Variants in RIN2 observed in about 807,000 individuals in gnomAD.
RIN2 encodes RAB5 interacting protein 2.
RIN2 carries 36 observed loss-of-function variants against 78.0 expected under a neutral mutation model. That is an observed-to-expected ratio of 0.46 (90% CI 0.35 to 0.61). The LOEUF (loss-of-function observed/expected upper bound fraction) is 0.61, where lower values mean the gene tolerates loss of function less well. RIN2 is among the 20% of genes least tolerant of loss of function. RIN2 has a pLI of 0.00. For missense variants in RIN2, 1,087 were observed against 1,159.7 expected (o/e 0.94, Z 0.91); for synonymous variants, 466 against 466.8 (o/e 1.00, Z 0.02).
chr20:19,920,174 T>G (rs930737023), intron 3 of RIN2, among the ~76,000 whole-genome samples: 1 of 151,794 alleles, frequency 6.6e-6, no homozygotes, highest in African/African-American at 2.4e-5. Context: ...CGGGCGCCTA[T>G]AGTCCCAGCT....
intron 2 of RIN2, among the ~76,000 whole-genome samples, chr20:19,879,038 C>CCT (rs553590186): frequency 1.8e-3 from 272 of 152,322 alleles, no homozygotes; most frequent in African/African-American, 6.3e-3. Context: ...CTTCAGAGAA[C>CCT]CTGCAGAGCC....
chr20:19,792,247 T>C (rs1363819618), intron 1 of RIN2, among the ~76,000 whole-genome samples: 1 of 152,226 alleles, frequency 6.6e-6, no homozygotes, highest in East Asian at 1.9e-4. Context: ...ATGGTCACCC[T>C]CATCAATGCA....
rs1555818732 is a variant in RIN2, at chr20:19,788,439, A to AAAAAAAAAC, written c.-162-11175_-162-11174insCAAAAAAAA. On this transcript the variant is annotated intron_variant, in intron 1 of 12. Coordinates refer to ENST00000255006, the MANE Select transcript of RIN2 (RefSeq NM_018993.4). ...GCGAAATCCTGTCTCTGCCAAAAAA[A>AAAAAAAAAC]AAAAAAAAAACAACTAGCTAGGCAT... Among the ~76,000 whole-genome samples the AAAAAAAAAC allele has an allele frequency of 2.6e-4, 35 of 133,026 alleles. 1 individual carries two copies. The highest frequency in any genetic ancestry group is 1.0e-3 in the African/African-American group (32 of 30,588). 87.3% of individuals were successfully genotyped at this position (133,026 alleles called of 152,430 possible).
At chr20:19,941,527 A>G (rs2040869788) in intron 4 of RIN2, among the ~76,000 whole-genome samples, 1 of 152,214 alleles carries the variant, frequency 6.6e-6, no homozygotes, top group Admixed American at 6.5e-5. Flanking sequence ...ATCCAGCTAG[A>G]TGAAAATCCA....
At chr20:19,981,895 C>G (rs1216517502) in intron 9 of RIN2, among the ~76,000 whole-genome samples, 1 of 152,198 alleles carries the variant, frequency 6.6e-6, no homozygotes, top group Non-Finnish European at 1.5e-5. Flanking sequence ...CCTGCCTGCC[C>G]CATGCCTGGG....
At chr20:19,788,008 G>A (rs2034738795) in intron 1 of RIN2, among the ~76,000 whole-genome samples, 1 of 152,100 alleles carries the variant, frequency 6.6e-6, no homozygotes, top group Non-Finnish European at 1.5e-5. Flanking sequence ...ATAAGTTATT[G>A]TGTTTTTATT....
intron 1 of RIN2, among the ~76,000 whole-genome samples, chr20:19,788,439 A>AAACAAAAAAAC (rs1555818737): frequency 7.5e-6 from 1 of 132,994 alleles, no homozygotes; most frequent in Non-Finnish European, 1.5e-5. Flanking sequence ...TGCCAAAAAA[A>AAACAAAAAAAC]AAAAAAAAAA....
intron 8 of RIN2, among the ~76,000 whole-genome samples, chr20:19,972,995 CT>C (rs1489843302): frequency 1.3e-5 from 2 of 152,078 alleles, no homozygotes; most frequent in Non-Finnish European, 2.9e-5. Context: ...GTTTTACATT[CT>C]TTTTTTCATA....
chr20:19,957,850 G>T (rs1210331367), intron 5 of RIN2, among the ~76,000 whole-genome samples: 1 of 152,226 alleles, frequency 6.6e-6, no homozygotes, highest in African/African-American at 2.4e-5. Context: ...TGCCATATTA[G>T]ATGGTGCAAA....
intron 12 of RIN2, among the ~76,000 whole-genome samples, chr20:19,999,690 T>G (rs1263723673): frequency 6.6e-6 from 1 of 152,238 alleles, no homozygotes; most frequent in African/African-American, 2.4e-5. Flanking sequence ...TTATGCCTGG[T>G]CTGGGCTTTG....
At chr20:19,921,008 T>C (rs1600806309) in intron 3 of RIN2, among the ~76,000 whole-genome samples, 2 of 152,094 alleles carry the variant, frequency 1.3e-5, no homozygotes, top group African/African-American at 4.8e-5. Context: ...TGTTTGTTTG[T>C]TTGTTTTTTA....
intron 9 of RIN2, among the ~76,000 whole-genome samples, chr20:19,982,455 C>T (rs2042486802): frequency 6.6e-6 from 1 of 152,110 alleles, no homozygotes; most frequent in Admixed American, 6.5e-5. Flanking sequence ...TTTCAAGATC[C>T]TGCCTTCCAC....
chr20:19,810,712 G>A (rs1375188949), intron 2 of RIN2, among the ~76,000 whole-genome samples: 4 of 93,100 alleles, frequency 4.3e-5, no homozygotes, highest in Non-Finnish European at 7.9e-5. Context: ...TTTTTTTTGA[G>A]ACGGAGTCTT....
Position 19,801,735 on chromosome 20 carries a change from T to G in RIN2, c.-37+1988T>G, listed in dbSNP as rs191940447. Among the ~76,000 whole-genome samples the G allele has an allele frequency of 4.6e-5, 7 of 152,326 alleles. No individual in the cohort carries two copies. In the East Asian group the frequency reaches 1.4e-3, roughly 29 times the overall value. ...TTTTCTTCTAGCAAAGACCCTTACC[T>G]GAGCAGATACCTAATAAATGCATGT... On this transcript the variant is annotated intron_variant, in intron 2 of 12. Coordinates refer to ENST00000255006, the MANE Select transcript of RIN2 (RefSeq NM_018993.4).
intron 7 of RIN2, among the ~76,000 whole-genome samples, chr20:19,970,347 G>A (rs9973993): frequency 6.6e-6 from 1 of 152,116 alleles, no homozygotes; most frequent in African/African-American, 2.4e-5. Context: ...TGTGTGGGCT[G>A]TAATGGGAAG....
chr20:19,828,375 T>C (rs1243763790), intron 2 of RIN2, among the ~76,000 whole-genome samples: 1 of 152,202 alleles, frequency 6.6e-6, no homozygotes, highest in Non-Finnish European at 1.5e-5. Context: ...TTCTGATCCT[T>C]CTGAGGGCTG....
intron 3 of RIN2, among the ~76,000 whole-genome samples, chr20:19,926,655 T>A (rs529346759): frequency 1.3e-5 from 2 of 152,110 alleles, no homozygotes; most frequent in Non-Finnish European, 2.9e-5. Context: ...ATTCCCGGAT[T>A]ATAAATGCTT....
intron 9 of RIN2, among the ~76,000 whole-genome samples, chr20:19,988,973 G>A (rs879769311): frequency 3.3e-5 from 5 of 151,672 alleles, no homozygotes; most frequent in Admixed American, 2.0e-4. Flanking sequence ...ACAAATACGT[G>A]CACACACACT....
intron 1 of RIN2, among the ~76,000 whole-genome samples, chr20:19,782,833 A>G (rs2034552614): frequency 6.6e-6 from 1 of 152,194 alleles, no homozygotes; most frequent in Non-Finnish European, 1.5e-5. Context: ...TACCTGGTAC[A>G]GAGATGTATT....
Sources: allele counts gnomAD v4.1 joint callset (sites outside exome capture counted in the v4.1 genomes callset), GRCh38; gene constraint gnomAD v4.1.1; transcripts MANE v1.5; gene names NCBI Gene and HGNC (gene_info 2026-07-23, HGNC 2026-07-21).